The following BTF3L4 variants were observed in gnomAD, a reference collection of about 807,000 sequenced individuals.
BTF3L4 encodes the protein basic transcription factor 3 like 4.
Under a neutral mutation model 16.8 loss-of-function variants are expected in BTF3L4, and 6 were observed. That is an observed-to-expected ratio of 0.36 (90% CI 0.20 to 0.71). The LOEUF (loss-of-function observed/expected upper bound fraction) is 0.71. Ranked by LOEUF, BTF3L4 falls within the 30% of genes least tolerant of loss-of-function variation. BTF3L4 has a pLI of 0.58. For synonymous variants in BTF3L4, 39 were observed against 59.8 expected (o/e 0.65, Z 1.60); for missense variants, 92 against 186.9 (o/e 0.49, Z 2.96).
rs192100348 is a variant in BTF3L4, at chr1:52,058,409, A to G, written c.-13-1426A>G. ...AAAGTACAAAATGGTTAGTAATTATATAGTCTTTGATGCTGCTTTTTTTAA... is the reference window on the plus strand; with the variant it reads ...AAAGTACAAAATGGTTAGTAATTATGTAGTCTTTGATGCTGCTTTTTTTAA... On this transcript the variant is annotated intron_variant, in intron 1 of 5. Coordinates refer to ENST00000313334, the MANE Select transcript of BTF3L4 (RefSeq NM_152265.5). Among the ~76,000 whole-genome samples the G allele has an allele frequency of 1.2e-4, 18 of 152,348 alleles. No homozygotes were observed. In the East Asian group the frequency reaches 3.3e-3, roughly 28 times the overall value.
intron 3 of BTF3L4, among the ~76,000 whole-genome samples, chr1:52,075,209 A>G (rs978654911): frequency 2.0e-5 from 3 of 152,100 alleles, no homozygotes; most frequent in Admixed American, 1.3e-4. Flanking sequence ...ATTATACATT[A>G]TAATGTTTTG....
chr1:52,073,505 C>T (rs1392529332), intron 3 of BTF3L4, among the ~76,000 whole-genome samples: 2 of 141,970 alleles, frequency 1.4e-5, no homozygotes, highest in East Asian at 2.1e-4. Context: ...CACACACACA[C>T]ACACACACAC....
Position 52,086,138 on chromosome 1 carries a change from G to A in BTF3L4, c.397G>A (p.Glu133Lys), listed in dbSNP as rs1643971315. The change falls in exon 5 of 6, where the codon GAA becomes AAA. Residue 133 changes from glutamate to lysine, a missense_variant. By Grantham distance (56) the Glu-to-Lys change is moderately conservative. Transcript: ENST00000313334. ...QVLDSKAPKP[E>K]DIDEEDDDVP... Reference sequence around the variant, plus strand: ...CTTGGACAGTAAAGCACCAAAACCAGAAGACATTGATGAGGAAGATGATGA... The same window carrying A: ...CTTGGACAGTAAAGCACCAAAACCAAAAGACATTGATGAGGAAGATGATGA... 8 of 1,610,950 alleles carry A rather than the reference G, an allele frequency of 5.0e-6. No homozygotes were observed. Among genetic ancestry groups the A allele is most frequent in the Non-Finnish European group, 6.8e-6 (8 of 1,178,664 alleles).
intron 3 of BTF3L4, among the ~76,000 whole-genome samples, chr1:52,078,428 A>G (rs900864446): frequency 6.6e-6 from 1 of 152,026 alleles, no homozygotes; most frequent in African/African-American, 2.4e-5. Flanking sequence ...AGTGATTATT[A>G]TGTACTAGAT....
chr1:52,070,299 A>ATTGGTATAATAGTTCAT (rs138950929), intron 3 of BTF3L4, among the ~76,000 whole-genome samples: 1 of 149,288 alleles, frequency 6.7e-6, no homozygotes, highest in African/African-American at 2.5e-5. Context: ...ATAATAGTTC[A>ATTGGTATAATAGTTCAT]TTGGTATAAT....
At chr1:52,083,639 G>C (rs941451326) in intron 4 of BTF3L4, 98 bp downstream of exon 4, 5 of 952,358 alleles carry the variant, frequency 5.3e-6, no homozygotes, top group Non-Finnish European at 8.0e-6. Context: ...TTGCCTGTAT[G>C]TAATTATTTT....
chr1:52,059,068 C>T (rs1686445503), intron 1 of BTF3L4, among the ~76,000 whole-genome samples: 1 of 151,678 alleles, frequency 6.6e-6, no homozygotes, highest in South Asian at 2.1e-4. Flanking sequence ...TAGGAGTCTC[C>T]TCTCTGCCCC....
Position 52,080,053 on chromosome 1 carries a change from G to T in BTF3L4, c.169-3287G>T, listed in dbSNP as rs187869008. ...CACCCAGATGATTTTTGTATTTTTA[G>T]TAGAGATGGGGTTTCACTATGTTAG... is the stretch of plus-strand genomic sequence containing the variant. On this transcript the variant is annotated intron_variant, in intron 3 of 5. Transcript: ENST00000313334. 3.5e-3 allele frequency among the ~76,000 whole-genome samples: 537 copies of T among 151,730 alleles called. 2 individuals are homozygous for T. Among genetic ancestry groups the T allele is most frequent in the African/African-American group, 0.012 (510 of 41,392 alleles).
At chr1:52,070,411 A>C (rs1002491013) in intron 3 of BTF3L4, among the ~76,000 whole-genome samples, 3 of 151,144 alleles carry the variant, frequency 2.0e-5, no homozygotes, top group African/African-American at 7.3e-5. Flanking sequence ...TACCAAACAA[A>C]GAAAAATCCA....
intron 3 of BTF3L4, among the ~76,000 whole-genome samples, chr1:52,072,343 C>T (rs978226022): frequency 1.3e-5 from 2 of 152,126 alleles, no homozygotes; most frequent in South Asian, 2.1e-4. Flanking sequence ...TGAGCCACCG[C>T]GCCTGGCCAG....
At chr1:52,085,054 T>G in intron 4 of BTF3L4, among the ~76,000 whole-genome samples, 1 of 128,488 alleles carries the variant, frequency 7.8e-6, no homozygotes, top group East Asian at 2.4e-4. Context: ...AGAGTCTTGC[T>G]CTGTTGCCCA....
At chr1:52,076,774 T>C (rs1351456986) in intron 3 of BTF3L4, among the ~76,000 whole-genome samples, 1 of 152,200 alleles carries the variant, frequency 6.6e-6, no homozygotes, top group African/African-American at 2.4e-5. Context: ...TATAAGAGCG[T>C]GTGCAAAGCC....
At chr1:52,084,392 C>T (rs1450401264) in intron 4 of BTF3L4, among the ~76,000 whole-genome samples, 2 of 152,136 alleles carry the variant, frequency 1.3e-5, no homozygotes, top group Non-Finnish European at 2.9e-5. Flanking sequence ...ATCCACCTAC[C>T]TACCGCCTCC....
At chr1:52,062,738 T>C (rs1176123431) in intron 2 of BTF3L4, among the ~76,000 whole-genome samples, 1 of 152,142 alleles carries the variant, frequency 6.6e-6, no homozygotes, top group Non-Finnish European at 1.5e-5. Context: ...AGGCGAACAA[T>C]TGAGACGCTA....
chr1:52,066,707 A>G (rs12760553), intron 3 of BTF3L4, among the ~76,000 whole-genome samples: 139,204 of 151,324 alleles, frequency 0.92, 64,878 homozygotes, highest in Non-Finnish European at 1. Flanking sequence ...TTAGCCGGGC[A>G]TGGTGGCGGG....
chr1:52,066,566 G>A (rs1056598317), intron 3 of BTF3L4, among the ~76,000 whole-genome samples: 5 of 151,542 alleles, frequency 3.3e-5, no homozygotes, highest in Admixed American at 1.3e-4. Flanking sequence ...TTAACCGGCC[G>A]GGTGCGGTGG....
At chr1:52,074,389 G>A (rs961165306) in intron 3 of BTF3L4, among the ~76,000 whole-genome samples, 2 of 149,900 alleles carry the variant, frequency 1.3e-5, no homozygotes, top group East Asian at 3.9e-4. Flanking sequence ...TTTGGAGGCA[G>A]TTTCACTCTT....
chr1:52,086,068 G>A, intron 4 of BTF3L4, 44 bp from the exon 5 acceptor site: 3 of 1,346,650 alleles, frequency 2.2e-6, no homozygotes, highest in Non-Finnish European at 3.1e-6. Context: ...TTTTCTTTAA[G>A]GTCTTTGTTC....
intron 1 of BTF3L4, among the ~76,000 whole-genome samples, chr1:52,059,362 T>C (rs1396985933): frequency 1.3e-5 from 2 of 152,236 alleles, no homozygotes; most frequent in Non-Finnish European, 2.9e-5. Context: ...AGCTTTTTTT[T>C]CCTTTTGTCA....
Sources: allele counts gnomAD v4.1 joint callset (sites outside exome capture counted in the v4.1 genomes callset), GRCh38; gene constraint gnomAD v4.1.1; transcripts MANE v1.5; gene names NCBI Gene and HGNC (gene_info 2026-07-23, HGNC 2026-07-21).